Variants in COL6A3 observed in about 807,000 individuals in gnomAD.
The protein encoded by COL6A3 is collagen type VI alpha 3 chain, also known as collagen alpha-3(VI) chain.
Under a neutral mutation model 274.1 loss-of-function variants are expected in COL6A3, and 137 were observed. The observed-to-expected ratio is 0.50, with a 90% CI of 0.44 to 0.58. The LOEUF is 0.58. Among genes scored for constraint, COL6A3 ranks in the 20% least tolerant of loss-of-function variants. The probability of loss-of-function intolerance (pLI) is 0.00; values close to 1 mark genes in which losing one functional copy is unlikely to be tolerated. For synonymous variants in COL6A3, 1,650 were observed against 1,650.6 expected (o/e 1.00, Z 0.01); for missense variants, 3,950 against 4,124.9 (o/e 0.96, Z 1.16).
rs950101896 is a variant in COL6A3 at position 237,410,238 on chromosome 2, G to A, written c.-31+3715C>T. Among the ~76,000 whole-genome samples, 112 of 150,904 alleles carry A rather than the reference G, an allele frequency of 7.4e-4. 1 individual carries two copies. Among genetic ancestry groups the A allele is most frequent in the African/African-American group, 2.5e-3 (101 of 41,156 alleles). ...GAGATACACCTCCCTCTAGAGGAAA[G>A]AAAACCAAACTGCCTTTTCAAAAAC... On this transcript the variant is annotated intron_variant, in intron 1 of 43. Coordinates refer to ENST00000295550, the MANE Select transcript of COL6A3 (RefSeq NM_004369.4).
At chr2:237,396,602 C>A in intron 2 of COL6A3, 125 bp downstream of exon 2, 1 of 939,530 alleles carries the variant, frequency 1.1e-6, no homozygotes, top group South Asian at 1.3e-5. Context: ...TCTGACTATC[C>A]TATAATAAAT....
At chr2:237,333,003 C>A (rs190776013) in intron 42 of COL6A3, 2 of 273,890 alleles carry the variant, frequency 7.3e-6, no homozygotes, top group Admixed American at 9.1e-5. Flanking sequence ...GATGTCCGGA[C>A]CAGAACACCC....
rs769357156 is a variant in COL6A3, at chr2:237,368,967, A to T, written c.4496T>A (p.Val1499Glu). ...YLKTYRSQAPVLDAIRRLRLR... is the reference protein window; with the variant it reads ...YLKTYRSQAPELDAIRRLRLR... ...CCTCAGGCGCCGTATGGCGTCCAGC[A>T]CCGGGGCCTGGGATCTGTAGGTTTT... Residue 1499 changes from valine (V) to glutamate (E), a missense_variant, in exon 10 of 44, where the codon GTG becomes GAG. Physicochemically the swap from Val to Glu is moderately radical, Grantham distance 121. Around this residue, in one of 5 missense-constraint regions of COL6A3, gnomAD observed 1,934 missense variants for 1,984.3 expected, o/e 0.97. Transcript: ENST00000295550. This position sits in a 1 kb window ranked among gnomAD's most constrained non-coding sequence, Gnocchi z 4.4. 1.2e-6 allele frequency: 2 copies of T among 1,614,228 alleles called. No homozygotes were observed. Among genetic ancestry groups the T allele is most frequent in the African/African-American group, 1.3e-5 (1 of 75,068 alleles).
At chr2:237,347,957 G>A in intron 30 of COL6A3, 88 bp from the exon 31 acceptor site, 1 of 1,244,656 alleles carries the variant, frequency 8.0e-7, no homozygotes, top group Non-Finnish European at 1.2e-6. Context: ...CAGGAGACGT[G>A]TGGGTCACAC....
At position 237,372,141 on chromosome 2, in the gene COL6A3, C is replaced by T; in HGVS notation, c.3876G>A (p.Lys1292=). ...VEFLLNAHSS[K]DEVQNAVQRL... is the part of the protein sequence containing the mutation. ...GCTGCACCGCGTTCTGCACTTCATC[C>T]TTGCTGGAATGGGCGTTCAGCAGGA... The change falls in exon 9 of 44, where the codon AAG becomes AAA. Residue 1292 remains lysine (K), a synonymous_variant. Coordinates refer to ENST00000295550, the MANE Select transcript of COL6A3 (RefSeq NM_004369.4). 1 of 1,614,152 alleles carries T rather than the reference C, an allele frequency of 6.2e-7. No homozygotes were observed.
Position 237,363,239 on chromosome 2 carries a change from T to TTA in COL6A3, c.6063+13_6063+14insTA. The TTA allele has an allele frequency of 3.1e-6, 5 of 1,611,090 alleles. No homozygotes were observed. Among genetic ancestry groups the TTA allele is most frequent in the Non-Finnish European group, 4.2e-6 (5 of 1,178,478 alleles). On this transcript the variant is annotated intron_variant, in intron 14 of 43. Coordinates refer to ENST00000295550, the MANE Select transcript of COL6A3 (RefSeq NM_004369.4). ...CTACACTGGTCTGTGTATAAAGACA[T>TTA]AAAAAAAACTCACAAGCTGCTCCGC...
Position 237,348,319 on chromosome 2 carries a change from A to G in COL6A3, c.6966+30T>C, listed in dbSNP as rs552340915. 11 of 1,592,348 alleles carry G rather than the reference A, an allele frequency of 6.9e-6. No homozygotes were observed. The African/African-American group carries it at 1.1e-4, about 16-fold the overall frequency. On this transcript the variant is annotated intron_variant, in intron 30 of 43. Transcript: ENST00000295550. ...ATACCAGAGCCATCCCAAAATCATGATGATGCTTCACCGACCAGGGATTAT... is the reference window on the plus strand; with the variant it reads ...ATACCAGAGCCATCCCAAAATCATGGTGATGCTTCACCGACCAGGGATTAT...
intron 1 of COL6A3, among the ~76,000 whole-genome samples, chr2:237,402,500 A>G (rs925586744): frequency 6.6e-6 from 1 of 152,188 alleles, no homozygotes; most frequent in Non-Finnish European, 1.5e-5. Context: ...ATGTAAGTGC[A>G]GCATCTCTTT....
chr2:237,395,280 AC>A, intron 2 of COL6A3, 76 bp from the exon 3 acceptor site: 1 of 1,532,072 alleles, frequency 6.5e-7, no homozygotes. Flanking sequence ...GCCTTCCTAA[AC>A]AAATTTGGTT....
Position 237,388,176 on chromosome 2 carries a change from A to T in COL6A3, c.718T>A (p.Ser240Thr). Residue 240 changes from serine to threonine, a missense_variant, in exon 4 of 44, where the codon TCT (serine) becomes ACT (threonine). Coordinates refer to ENST00000295550, the MANE Select transcript of COL6A3 (RefSeq NM_004369.4). Reference protein sequence around the residue: ...ETLKDITAQDSADIIFLIDGS... With the variant: ...ETLKDITAQDTADIIFLIDGS... ...TCAATAAGGAAAATAATGTCAGCAG[A>T]GTCTTGTGCTTTAAAAGAAAGAAAT... The T allele has an allele frequency of 6.2e-7, 1 of 1,614,088 alleles. No individual in the cohort carries two copies. The highest frequency in any genetic ancestry group is 8.5e-7 in the Non-Finnish European group (1 of 1,180,044).
At position 237,348,689 on chromosome 2, in the gene COL6A3, G is replaced by A. The variant is rs1009999282; in HGVS notation, c.6880-26C>T. 2.5e-6 allele frequency: 4 copies of A among 1,612,546 alleles called. No individual in the cohort carries two copies. In the East Asian group the frequency reaches 8.9e-5, roughly 36 times the overall value. On this transcript the variant is annotated intron_variant, in intron 28 of 43. Coordinates refer to ENST00000295550, the MANE Select transcript of COL6A3 (RefSeq NM_004369.4). ...CTAAGAGTGGGAAAGAGATGTGACTGTAGGTCGCCATGCCTGGCACACCAT... is the reference window on the plus strand; with the variant it reads ...CTAAGAGTGGGAAAGAGATGTGACTATAGGTCGCCATGCCTGGCACACCAT...
intron 1 of COL6A3, among the ~76,000 whole-genome samples, chr2:237,399,867 G>A (rs1353744371): frequency 6.6e-6 from 1 of 152,196 alleles, no homozygotes; most frequent in Non-Finnish European, 1.5e-5. Flanking sequence ...CCTTGATGGT[G>A]GAGCTCACTG....
At chr2:237,399,010 T>C (rs1416670651) in intron 1 of COL6A3, among the ~76,000 whole-genome samples, 1 of 152,178 alleles carries the variant, frequency 6.6e-6, no homozygotes, top group Admixed American at 6.5e-5. Context: ...ATCCTCATGC[T>C]TACAGGAAAA....
chr2:237,336,620 T>C, intron 39 of COL6A3, 88 bp from the exon 40 acceptor site: 1 of 1,426,726 alleles, frequency 7.0e-7, no homozygotes, highest in Admixed American at 1.8e-5. Context: ...ATTAAATTTG[T>C]TTTAGCAAAA....
chr2:237,369,544 C>T (rs1171488666), intron 9 of COL6A3, among the ~76,000 whole-genome samples: 1 of 152,176 alleles, frequency 6.6e-6, no homozygotes, highest in African/African-American at 2.4e-5. Flanking sequence ...GAGACCAAGG[C>T]CACTGGGATC....
At chr2:237,332,922 C>T (rs1048829650) in intron 42 of COL6A3, 1 of 183,944 alleles carries the variant, frequency 5.4e-6, no homozygotes, top group Non-Finnish European at 1.2e-5. Flanking sequence ...AGACTATGCA[C>T]ACACTCTGGG....
At position 237,403,623 on chromosome 2, in the gene COL6A3, T is replaced by C. The variant is rs1265176563; in HGVS notation, c.-30-6776A>G. On this transcript the variant is annotated intron_variant, in intron 1 of 43. Transcript: ENST00000295550. The stretch of plus-strand genomic sequence containing the variant: ...GCAGTATTGCAAAAGCTCAGCCCGA[T>C]TTTTTTTCCCTTGCAATGGTCACTG... Among the ~76,000 whole-genome samples the C allele has an allele frequency of 3.9e-5, 6 of 151,950 alleles. 1 individual carries two copies. The highest frequency in any genetic ancestry group is 8.8e-5 in the Non-Finnish European group (6 of 67,932).
intron 5 of COL6A3, 85 bp from the exon 6 acceptor site, chr2:237,379,320 C>G: frequency 6.7e-7 from 1 of 1,499,610 alleles, no homozygotes; most frequent in Non-Finnish European, 9.3e-7. Flanking sequence ...TGCACACATG[C>G]CAACATTTAG....
intron 16 of COL6A3, 98 bp from the exon 17 acceptor site, chr2:237,360,257 CA>C: frequency 8.5e-7 from 1 of 1,174,682 alleles, no homozygotes; most frequent in South Asian, 1.3e-5. Flanking sequence ...GAACAGCATG[CA>C]GCAGAAAGCA....
Sources: allele counts gnomAD v4.1 joint callset (sites outside exome capture counted in the v4.1 genomes callset), GRCh38; gene constraint gnomAD v4.1.1; regional missense constraint gnomAD v4.1.1; non-coding constraint Gnocchi (gnomAD v3.1); transcripts MANE v1.5; gene names NCBI Gene and HGNC (gene_info 2026-07-23, HGNC 2026-07-21).